NLGN1: variants seen among roughly 807,000 people sequenced by gnomAD.
NLGN1 encodes neuroligin 1.
A neutral mutation model predicts 65.5 loss-of-function variants in NLGN1; 12 were observed. The observed-to-expected ratio is 0.18, with a 90% CI of 0.12 to 0.30. NLGN1 has a LOEUF of 0.30. Among genes scored for constraint, NLGN1 ranks in the 10% least tolerant of loss-of-function variants. The pLI, the probability that NLGN1 is intolerant of heterozygous loss-of-function variation, is 1.00. For missense variants in NLGN1, 750 were observed against 1,007.1 expected (o/e 0.74, Z 3.46); for synonymous variants, 350 against 359.5 (o/e 0.97, Z 0.30).
chr3:173,878,864 G>A lies in NLGN1; in HGVS notation c.646+71032G>A, dbSNP rs115511912. On this transcript the variant is annotated intron_variant, in intron 4 of 6. Transcript: ENST00000457714. ...GGAATTGCTGAATCAAGAGTTATGT[G>A]GATATTTACACCTTTTGACTCACTC... 5.9e-3 allele frequency among the ~76,000 whole-genome samples: 891 copies of A among 152,098 alleles called. 9 individuals carry two copies. Among genetic ancestry groups the A allele is most frequent in the African/African-American group, 0.02 (836 of 41,500 alleles).
chr3:173,423,651 C>T (rs954181247), intron 1 of NLGN1, among the ~76,000 whole-genome samples: 1 of 152,140 alleles, frequency 6.6e-6, no homozygotes, highest in African/African-American at 2.4e-5. Context: ...CCAGGGCACA[C>T]TAATGCAAGC....
At chr3:173,493,011 A>C (rs1340665063) in intron 2 of NLGN1, among the ~76,000 whole-genome samples, 2 of 151,814 alleles carry the variant, frequency 1.3e-5, no homozygotes, top group Non-Finnish European at 2.9e-5. Context: ...TTATTATTAT[A>C]TGTTAATGAA....
intron 4 of NLGN1, among the ~76,000 whole-genome samples, chr3:174,145,123 C>A (rs1722966344): frequency 6.6e-6 from 1 of 152,072 alleles, no homozygotes; most frequent in Non-Finnish European, 1.5e-5. Flanking sequence ...CTGCATATGG[C>A]TAGCCAGTTT....
At chr3:174,234,978 G>C (rs1741416444) in intron 4 of NLGN1, among the ~76,000 whole-genome samples, 1 of 104,512 alleles carries the variant, frequency 9.6e-6, no homozygotes, top group Non-Finnish European at 1.7e-5. Context: ...TAAAATAAAG[G>C]AATCACCTTT....
intron 4 of NLGN1, among the ~76,000 whole-genome samples, chr3:173,860,695 A>G (rs1202466927): frequency 1.3e-5 from 2 of 152,188 alleles, no homozygotes; most frequent in African/African-American, 4.8e-5. Flanking sequence ...CCAACCCTCT[A>G]GTCTGTAATA....
intron 4 of NLGN1, among the ~76,000 whole-genome samples, chr3:173,878,340 A>C (rs909399162): frequency 6.6e-6 from 1 of 152,110 alleles, no homozygotes; most frequent in African/African-American, 2.4e-5. Context: ...GCGCCAAGCC[A>C]AAATGCATAA....
chr3:173,470,623 C>A (rs538312238), intron 2 of NLGN1, among the ~76,000 whole-genome samples: 1 of 152,016 alleles, frequency 6.6e-6, no homozygotes, highest in Non-Finnish European at 1.5e-5. Flanking sequence ...ATAATACACA[C>A]CTCCTAAAGC....
At chr3:173,454,769 C>A (rs1213374037) in intron 2 of NLGN1, among the ~76,000 whole-genome samples, 1 of 152,208 alleles carries the variant, frequency 6.6e-6, no homozygotes, top group Non-Finnish European at 1.5e-5. Context: ...TTTATCCAGA[C>A]TACTAAAATT....
intron 4 of NLGN1, among the ~76,000 whole-genome samples, chr3:174,268,783 G>GGGAAA (rs1748774212): frequency 6.6e-6 from 1 of 151,966 alleles, no homozygotes; most frequent in African/African-American, 2.4e-5. Context: ...ACTCCCCCGT[G>GGGAAA]TCCAGCTGTC....
At chr3:173,914,181 G>T (rs551108150) in intron 4 of NLGN1, among the ~76,000 whole-genome samples, 3 of 152,244 alleles carry the variant, frequency 2.0e-5, no homozygotes, top group Admixed American at 6.5e-5. Context: ...CTAGCATGTG[G>T]CTGAGTTCCC....
At chr3:173,732,293 C>T (rs1772980330) in intron 3 of NLGN1, among the ~76,000 whole-genome samples, 1 of 152,100 alleles carries the variant, frequency 6.6e-6, no homozygotes, top group Non-Finnish European at 1.5e-5. Context: ...GTGAGGCTTA[C>T]ATTGAAAAGG....
intron 3 of NLGN1, among the ~76,000 whole-genome samples, chr3:173,688,379 A>G (rs914461837): frequency 3.9e-5 from 6 of 152,184 alleles, no homozygotes; most frequent in African/African-American, 1.2e-4. Flanking sequence ...CACAAAGTTA[A>G]TGAGTCATTA....
rs970254907 is a variant in NLGN1, at chr3:174,280,567, C to T, written c.1736C>T (p.Ser579Phe). 29 of 1,613,028 alleles carry T rather than the reference C, an allele frequency of 1.8e-5. No individual in the cohort carries two copies. Among genetic ancestry groups the T allele is most frequent in the Non-Finnish European group, 2.5e-5 (29 of 1,179,458 alleles). ...GAAGAAGTAGCATGGACCAGATATTCCCAGAAAGACCAACTTTATCTCCAT... is the reference window on the plus strand; with the variant it reads ...GAAGAAGTAGCATGGACCAGATATTTCCAGAAAGACCAACTTTATCTCCAT... The change falls in exon 7 of 7, where the codon TCC becomes TTC. Residue 579 changes from serine to phenylalanine, a missense_variant. Ser to Phe is a radical substitution (Grantham distance 155). Coordinates refer to ENST00000457714, the Ensembl canonical transcript of NLGN1. The surrounding 1 kb of genome is among the most constrained non-coding windows in gnomAD (Gnocchi z 4.9).
At chr3:173,830,631 A>G (rs1460690810) in intron 4 of NLGN1, among the ~76,000 whole-genome samples, 1 of 152,196 alleles carries the variant, frequency 6.6e-6, no homozygotes, top group Non-Finnish European at 1.5e-5. Context: ...TCATAAATAT[A>G]TTTTTAAAAA....
intron 5 of NLGN1, among the ~76,000 whole-genome samples, chr3:174,277,601 G>A (rs891401306): frequency 1.3e-5 from 2 of 151,726 alleles, no homozygotes; most frequent in African/African-American, 4.8e-5. Flanking sequence ...ATCTGTATTT[G>A]TATCATTTGC....
At position 173,985,042 on chromosome 3, in the gene NLGN1, A is replaced by T. The variant is rs143721334; in HGVS notation, c.646+177210A>T. 1.4e-4 allele frequency among the ~76,000 whole-genome samples: 22 copies of T among 152,284 alleles called. 1 individual carries two copies. In the East Asian group the frequency reaches 4.2e-3, roughly 29 times the overall value. On this transcript the variant is annotated intron_variant, in intron 4 of 6. Transcript: ENST00000457714. The stretch of plus-strand genomic sequence containing the variant: ...GGGCAATAGAGGGAGACTGTCTCAA[A>T]AACAAACAACAAACAAAAATTGCCT...
At chr3:173,531,404 G>T (rs190738843) in intron 2 of NLGN1, among the ~76,000 whole-genome samples, 24 of 152,046 alleles carry the variant, frequency 1.6e-4, no homozygotes, top group Non-Finnish European at 2.5e-4. Context: ...ATGTTTAAAA[G>T]TACAAGAAAC....
chr3:173,959,097 A>C (rs970117211), intron 4 of NLGN1, among the ~76,000 whole-genome samples: 5 of 152,232 alleles, frequency 3.3e-5, no homozygotes, highest in Non-Finnish European at 7.3e-5. Flanking sequence ...CTGGGTCTGC[A>C]GCTGTGGCTT....
At chr3:173,964,429 A>G (rs892352736) in intron 4 of NLGN1, among the ~76,000 whole-genome samples, 2 of 152,184 alleles carry the variant, frequency 1.3e-5, no homozygotes, top group Admixed American at 1.3e-4. Flanking sequence ...GGGTCAGATA[A>G]TAACTACATA....
Sources: allele counts gnomAD v4.1 joint callset (sites outside exome capture counted in the v4.1 genomes callset), GRCh38; gene constraint gnomAD v4.1.1; non-coding constraint Gnocchi (gnomAD v3.1); transcripts MANE v1.5; gene names NCBI Gene and HGNC (gene_info 2026-07-23, HGNC 2026-07-21).